The following ZNF75D variants were observed in gnomAD, a reference collection of about 807,000 sequenced individuals.
ZNF75D encodes zinc finger protein 75D.
ZNF75D carries 33 observed loss-of-function variants against 33.3 expected under a neutral mutation model. The ratio of observed to expected loss-of-function variants is 0.99; its 90% CI spans 0.75 to 1.32. The LOEUF (loss-of-function observed/expected upper bound fraction) is 1.32, where lower values mean the gene tolerates loss of function less well. ZNF75D is among the 40% of genes most tolerant of loss of function. ZNF75D has a pLI of 0.00. For synonymous variants in ZNF75D, 113 were observed against 130.6 expected (o/e 0.87, Z 0.92); for missense variants, 338 against 367.5 (o/e 0.92, Z 0.66).
intron 5 of ZNF75D, 82 bp from the exon 6 acceptor site, chrX:135,291,217 C>T: frequency 9.1e-7 from 1 of 1,103,556 alleles, no homozygotes; most frequent in Non-Finnish European, 1.2e-6. Context: ...ACATGGTAGG[C>T]CAGGTGCTGA....
intron 1 of ZNF75D, among the ~76,000 whole-genome samples, chrX:135,331,759 C>T: frequency 9.0e-6 from 1 of 111,505 alleles, no homozygotes; most frequent in Non-Finnish European, 1.9e-5. Context: ...CCACCTCCAC[C>T]TACATCTAAG....
At chrX:135,300,249 CT>C (rs2084196308) in intron 1 of ZNF75D, among the ~76,000 whole-genome samples, 1 of 111,520 alleles carries the variant, frequency 9.0e-6, no homozygotes, top group Non-Finnish European at 1.9e-5. Flanking sequence ...AAAGTTGGCC[CT>C]TTCTTATACA....
intron 1 of ZNF75D, among the ~76,000 whole-genome samples, chrX:135,333,120 GAA>G (rs2084670529): frequency 9.0e-6 from 1 of 111,678 alleles, no homozygotes; most frequent in Non-Finnish European, 1.9e-5. Flanking sequence ...GAGAGAGAGA[GAA>G]AGAAAATTTG....
chrX:135,336,410 G>C (rs1482581494), intron 1 of ZNF75D, among the ~76,000 whole-genome samples: 3 of 113,015 alleles, frequency 2.7e-5, no homozygotes, highest in African/African-American at 9.6e-5. Context: ...CATGTTCAAA[G>C]GAAAATGGAA....
chrX:135,332,557 C>T (rs898274524), intron 1 of ZNF75D, among the ~76,000 whole-genome samples: 1 of 111,994 alleles, frequency 8.9e-6, no homozygotes, highest in Non-Finnish European at 1.9e-5. Flanking sequence ...TGATCTTGGA[C>T]TGCCCAGCCT....
intron 3 of ZNF75D, among the ~76,000 whole-genome samples, chrX:135,293,432 T>A (rs1301023525): frequency 3.6e-5 from 4 of 111,731 alleles, no homozygotes; most frequent in African/African-American, 1.3e-4. Flanking sequence ...ATTTCTCTTT[T>A]TCTAAGAACT....
chrX:135,309,157 G>C (rs1204245834), intron 1 of ZNF75D, among the ~76,000 whole-genome samples: 1 of 111,774 alleles, frequency 8.9e-6, no homozygotes, highest in African/African-American at 3.3e-5. Flanking sequence ...GCGAATGTAA[G>C]AATTACGTCG....
intron 1 of ZNF75D, among the ~76,000 whole-genome samples, chrX:135,256,635 G>A (rs893241899): frequency 6.3e-5 from 7 of 111,579 alleles, no homozygotes; most frequent in Non-Finnish European, 9.4e-5. Flanking sequence ...CAGGTGGCAC[G>A]TGACCTAGGG....
intron 1 of ZNF75D, among the ~76,000 whole-genome samples, chrX:135,311,010 C>G (rs1247403167): frequency 8.9e-6 from 1 of 111,771 alleles, no homozygotes; most frequent in Non-Finnish European, 1.9e-5. Context: ...AGTTCAGGAT[C>G]AAACAGTGGC....
At chrX:135,257,030 G>A (rs1556414333) in intron 1 of ZNF75D, among the ~76,000 whole-genome samples, 1 of 111,880 alleles carries the variant, frequency 8.9e-6, no homozygotes, top group African/African-American at 3.2e-5. Context: ...AACACCCAGC[G>A]AGATGCAGGG....
chrX:135,279,673 T>G (rs782311912), intron 1 of ZNF75D, among the ~76,000 whole-genome samples: 2 of 112,090 alleles, frequency 1.8e-5, no homozygotes, highest in South Asian at 7.5e-4. Flanking sequence ...TCCCAGAGAT[T>G]CTGGTACATT....
In ZNF75D at chrX:135,272,249, C is replaced by T. The variant is rs920996741; in HGVS notation, n.828-16472G>A. Among the ~76,000 whole-genome samples the T allele has an allele frequency of 5.9e-5, 6 of 102,186 alleles. No individual in the cohort carries two copies. The East Asian group carries it at 1.8e-3, about 31-fold the overall frequency. The allele number at this position is 102,186 out of a possible 115,157, so 88.7% of individuals were successfully genotyped here. A position where few individuals can be genotyped will look rare whatever the true frequency, so the allele number is the denominator to read the frequency against. ...TTCCTGCATAGGTATTACCCCTCTT[C>T]TCTGCTCATATCTAGCATGTCGGTT... On this transcript the variant is annotated intron_variant and non_coding_transcript_variant, in intron 1 of 3. Coordinates refer to the ZNF75D transcript ENST00000494295.
chrX:135,317,813 G>T (rs1210397519), intron 1 of ZNF75D, among the ~76,000 whole-genome samples: 1 of 111,396 alleles, frequency 9.0e-6, no homozygotes, highest in African/African-American at 3.3e-5. Flanking sequence ...AGGATGGCTT[G>T]TCCTTGGGCC....
At chrX:135,309,162 A>G (rs1353798386) in intron 1 of ZNF75D, among the ~76,000 whole-genome samples, 1 of 111,994 alleles carries the variant, frequency 8.9e-6, no homozygotes, top group Admixed American at 9.5e-5. Flanking sequence ...TGTAAGAATT[A>G]CGTCGACACT....
intron 1 of ZNF75D, among the ~76,000 whole-genome samples, chrX:135,340,360 C>A (rs1410873745): frequency 3.6e-5 from 4 of 111,638 alleles, no homozygotes; most frequent in Non-Finnish European, 7.5e-5. Context: ...TGGATATATT[C>A]CTCGATTCCA....
rs961442907 is a variant in ZNF75D at position 135,273,324 on chromosome X, C to T, written n.828-17547G>A. ...TCTCTGATCCCTAATTGTGGAACAGCTCAGGGCAAACTCGCAGCTCAGGGC... is the reference window on the plus strand; with the variant it reads ...TCTCTGATCCCTAATTGTGGAACAGTTCAGGGCAAACTCGCAGCTCAGGGC... On this transcript the variant is annotated intron_variant and non_coding_transcript_variant, in intron 1 of 3. Transcript: ENST00000494295. Among the ~76,000 whole-genome samples, 10 of 111,236 alleles carry T rather than the reference C, an allele frequency of 9.0e-5. No homozygotes were observed. The Admixed American group carries it at 9.6e-4, about 11-fold the overall frequency.
intron 1 of ZNF75D, among the ~76,000 whole-genome samples, chrX:135,326,176 G>A (rs1369885338): frequency 2.0e-5 from 2 of 102,030 alleles, no homozygotes; most frequent in South Asian, 4.5e-4. Context: ...GTGAGTGCAC[G>A]AATCGACACT....
intron 4 of ZNF75D, 145 bp from the exon 5 acceptor site, chrX:135,291,708 T>G: frequency 1.2e-6 from 1 of 830,507 alleles, no homozygotes; most frequent in Non-Finnish European, 1.7e-6. Flanking sequence ...GAAGTGGCCA[T>G]CTCATTGTAA....
chrX:135,311,313 A>G (rs2084355956), intron 1 of ZNF75D, among the ~76,000 whole-genome samples: 1 of 112,306 alleles, frequency 8.9e-6, no homozygotes, highest in Admixed American at 9.4e-5. Flanking sequence ...TGAGACTCTG[A>G]GGGTGCAATC....
Sources: allele counts gnomAD v4.1 joint callset (sites outside exome capture counted in the v4.1 genomes callset), GRCh38; gene constraint gnomAD v4.1.1; transcripts MANE v1.5; gene names NCBI Gene and HGNC (gene_info 2026-07-23, HGNC 2026-07-21).